NUGGC: variants seen among roughly 807,000 people sequenced by gnomAD.
The protein encoded by NUGGC is nuclear GTPase SLIP-GC.
A neutral mutation model predicts 92.6 loss-of-function variants in NUGGC; 58 were observed. That is an observed-to-expected ratio of 0.63 (90% CI 0.51 to 0.78). The LOEUF (loss-of-function observed/expected upper bound fraction) is 0.78. NUGGC is among the 30% of genes least tolerant of loss of function. The pLI is 0.00. For synonymous variants in NUGGC, 376 were observed against 366.4 expected, an observed-to-expected ratio of 1.03 and a Z score of -0.30; for missense variants, 925 against 964.6, an observed-to-expected ratio of 0.96 and a Z score of 0.54.
chr8:28,039,634 G>C (rs1585563355), intron 13 of NUGGC, among the ~76,000 whole-genome samples: 1 of 152,166 alleles, frequency 6.6e-6, no homozygotes, highest in African/African-American at 2.4e-5. Context: ...ACATAGAAAA[G>C]CCTCCAGGAA....
chr8:28,060,955 A>G (rs1487791301), intron 7 of NUGGC, among the ~76,000 whole-genome samples: 1 of 152,142 alleles, frequency 6.6e-6, no homozygotes, highest in Non-Finnish European at 1.5e-5. Flanking sequence ...ATGGGAAGCG[A>G]CTGTCTGCAC....
intron 1 of NUGGC, among the ~76,000 whole-genome samples, chr8:28,075,277 C>T (rs973255811): frequency 6.6e-6 from 1 of 152,134 alleles, no homozygotes; most frequent in Non-Finnish European, 1.5e-5. Context: ...GGACACCCCT[C>T]CTGGGCTCTC....
At chr8:28,038,717 C>A (rs185356315) in intron 13 of NUGGC, among the ~76,000 whole-genome samples, 9 of 152,220 alleles carry the variant, frequency 5.9e-5, no homozygotes, top group Admixed American at 5.9e-4. Flanking sequence ...AACTGGTTGG[C>A]AAATACAAGT....
chr8:28,069,534 T>G lies in NUGGC; in HGVS notation c.257+10A>C. 2 of 1,407,620 alleles carry G rather than the reference T, an allele frequency of 1.4e-6. No homozygotes were observed. The highest frequency in any genetic ancestry group is 2.0e-6 in the Non-Finnish European group (2 of 996,868). The allele number at this position is 1,407,620 out of a possible 1,614,324, so 87.2% of individuals were successfully genotyped here. ...ACATAAAATTTCAGGGTTGCAGATT[T>G]CAGACTCACATGAGATACTTGACTC... is the stretch of plus-strand genomic sequence containing the variant. On this transcript the variant is annotated intron_variant, in intron 4 of 18. Coordinates refer to ENST00000413272, the MANE Select transcript of NUGGC (RefSeq NM_001010906.2).
intron 1 of NUGGC, among the ~76,000 whole-genome samples, chr8:28,079,489 G>A (rs927893835): frequency 1.6e-4 from 24 of 152,120 alleles, no homozygotes; most frequent in African/African-American, 4.3e-4. Context: ...GCAGTGAGCC[G>A]AGATCACGCC....
At chr8:28,034,354 T>C (rs1809500429) in intron 13 of NUGGC, among the ~76,000 whole-genome samples, 1 of 152,000 alleles carries the variant, frequency 6.6e-6, no homozygotes, top group African/African-American at 2.4e-5. Flanking sequence ...GTAAAGAGAG[T>C]AAAAATGTGT....
At chr8:28,076,089 A>G (rs1471470965) in intron 1 of NUGGC, among the ~76,000 whole-genome samples, 6 of 152,228 alleles carry the variant, frequency 3.9e-5, no homozygotes, top group African/African-American at 9.7e-5. Context: ...CACCTGTGTT[A>G]TAACACTGAC....
Position 28,064,519 on chromosome 8 carries a change from C to A in NUGGC, c.921+3G>T. ...GAGAACTAAACCTACGAAAGACAGT[C>A]ACCTTTTTCCACATCTCGTCCCTCT... On this transcript the variant is annotated splice_donor_region_variant and intron_variant, in intron 7 of 18. Transcript: ENST00000413272. The A allele has an allele frequency of 6.2e-7, 1 of 1,613,518 alleles. No individual in the cohort carries two copies. Among genetic ancestry groups the A allele is most frequent in the Non-Finnish European group, 8.5e-7 (1 of 1,179,474 alleles).
chr8:28,022,138 T>C lies in NUGGC; in HGVS notation c.*1179A>G, dbSNP rs1809132100. 4 of 148,490 alleles carry C rather than the reference T, an allele frequency of 2.7e-5. No homozygotes were observed. The highest frequency in any genetic ancestry group is 2.1e-4 in the South Asian group (1 of 4,786). 9.2% of individuals were successfully genotyped at this position (148,490 alleles called of 1,614,324 possible). On this transcript the variant is annotated 3_prime_UTR_variant, in exon 19 of 19. Coordinates refer to ENST00000413272, the MANE Select transcript of NUGGC (RefSeq NM_001010906.2). ...ATGTATGGGTGTGTGTGTGTATATA[T>C]ATATATTTTTTTCTTTTTCTTTTTT...
rs769131309 is a variant in NUGGC, at chr8:28,060,479, G to A, written c.1044C>T (p.Asp348=). 8 of 1,613,858 alleles carry A rather than the reference G, an allele frequency of 5.0e-6. No homozygotes were observed. The highest frequency in any genetic ancestry group is 6.8e-6 in the Non-Finnish European group (8 of 1,179,848). The part of the protein sequence containing the change: ...IKACQRGFCR[D]VALVVTKMDK... ...CCATCTTGGTGACCACCAGGGCCAC[G>A]TCCCTACAGAAGCCCCGCTGGCAGG... Residue 348 remains aspartate (D), a synonymous_variant, in exon 8 of 19, where the codon GAC becomes GAT. Transcript: ENST00000413272.
chr8:28,070,832 A>T (rs1436776647), intron 2 of NUGGC, among the ~76,000 whole-genome samples: 4 of 150,974 alleles, frequency 2.6e-5, no homozygotes, highest in Admixed American at 2.0e-4. Context: ...ATATATATAT[A>T]TATTTTTTGA....
At chr8:28,023,514 G>T (rs982948460) in intron 18 of NUGGC, 52 bp from the exon 19 acceptor site, 3 of 1,561,926 alleles carry the variant, frequency 1.9e-6, no homozygotes, top group East Asian at 4.5e-5. Context: ...TTGCAGAAAC[G>T]TCTCCAGAAA....
In NUGGC at chr8:28,031,249, G is replaced by A. The variant is rs369886793; in HGVS notation, c.1902C>T (p.Ile634=). The A allele has an allele frequency of 6.2e-6, 10 of 1,613,912 alleles. No individual in the cohort carries two copies. The highest frequency in any genetic ancestry group is 7.6e-6 in the Non-Finnish European group (9 of 1,179,892). Residue 634 remains isoleucine, a synonymous_variant, in exon 15 of 19, where the codon ATC becomes ATT. Coordinates refer to ENST00000413272, the MANE Select transcript of NUGGC (RefSeq NM_001010906.2). ...KYDSCKKNFL[I]QEISAILGGL... is the part of the protein sequence containing the mutation. ...CACTTTATAAGGAACGTACCTCCTG[G>A]ATCAGGAAATTTTTTTTGCAGCTAT...
At chr8:28,057,236 G>A (rs951063616) in intron 9 of NUGGC, among the ~76,000 whole-genome samples, 1 of 151,812 alleles carries the variant, frequency 6.6e-6, no homozygotes, top group African/African-American at 2.4e-5. Context: ...TCAGATGTAC[G>A]ATTCATCTTG....
chr8:28,076,055 C>T (rs895441911), intron 1 of NUGGC, among the ~76,000 whole-genome samples: 7 of 152,208 alleles, frequency 4.6e-5, no homozygotes, highest in African/African-American at 1.4e-4. Context: ...ACTCATTCCC[C>T]CCGTGTGTCC....
intron 10 of NUGGC, among the ~76,000 whole-genome samples, chr8:28,048,104 T>C (rs1809887522): frequency 6.6e-6 from 1 of 152,206 alleles, no homozygotes; most frequent in African/African-American, 2.4e-5. Flanking sequence ...CTCAAACTGA[T>C]AACCCAAATC....
chr8:28,055,905 G>A, intron 10 of NUGGC, 60 bp downstream of exon 10: 7 of 925,786 alleles, frequency 7.6e-6, no homozygotes, highest in Non-Finnish European at 1.2e-5. Flanking sequence ...GCATACATTT[G>A]TCTCCCAAAA....
chr8:28,068,606 G>T (rs570188875), intron 4 of NUGGC, among the ~76,000 whole-genome samples, 168 bp from the exon 5 acceptor site: 1 of 152,346 alleles, frequency 6.6e-6, no homozygotes, highest in African/African-American at 2.4e-5. Context: ...TGACCACACA[G>T]AGTTGGCCTG....
chr8:28,051,157 G>A (rs1192415568), intron 10 of NUGGC, among the ~76,000 whole-genome samples: 1 of 152,126 alleles, frequency 6.6e-6, no homozygotes, highest in East Asian at 1.9e-4. Context: ...CTCGCTAAAA[G>A]AAACCCCAGA....
Sources: allele counts gnomAD v4.1 joint callset (sites outside exome capture counted in the v4.1 genomes callset), GRCh38; gene constraint gnomAD v4.1.1; transcripts MANE v1.5; gene names NCBI Gene and HGNC (gene_info 2026-07-23, HGNC 2026-07-21).